TNFAIP8: variants seen among roughly 807,000 people sequenced by gnomAD.
TNFAIP8 encodes tumor necrosis factor alpha-induced protein 8.
In TNFAIP8, 7 loss-of-function variants were observed where a neutral mutation model predicts 13.3. The observed-to-expected ratio is 0.52, with a 90% CI of 0.30 to 0.99. The LOEUF is 0.99. TNFAIP8 is among the 50% of genes least tolerant of loss of function. The pLI is 0.07. For missense variants in TNFAIP8, 258 were observed against 236.9 expected (o/e 1.09, Z -0.58); for synonymous variants, 94 against 87.6 (o/e 1.07, Z -0.41).
At position 119,399,481 on chromosome 5, in the gene TNFAIP8, T is replaced by G. The variant is rs943214551; in HGVS notation, c.*6100T>G. ...CCTTTCACTATTTCCAAATCAGCGA[T>G]GAAAAGAAGACTGAGTCTAAAATAA... On this transcript the variant is annotated 3_prime_UTR_variant, in exon 2 of 2. Coordinates refer to ENST00000504771, the MANE Select transcript of TNFAIP8 (RefSeq NM_014350.4). 6.6e-6 allele frequency: 1 copy of G among 152,142 alleles called. No homozygotes were observed. Among genetic ancestry groups the G allele is most frequent in the Non-Finnish European group, 1.5e-5 (1 of 68,016 alleles). The allele number at this position is 152,142 out of a possible 1,614,324, so 9.4% of individuals were successfully genotyped here. A position where few individuals can be genotyped will look rare whatever the true frequency, so the allele number is the denominator to read the frequency against.
chr5:119,321,078 G>T lies in TNFAIP8; in HGVS notation c.1+52171G>T, dbSNP rs558487207. 2.6e-5 allele frequency among the ~76,000 whole-genome samples: 4 copies of T among 152,276 alleles called. No homozygotes were observed. The South Asian group carries it at 8.3e-4, about 32-fold the overall frequency. ...AAAAACACAAAAAAACTAGGCGGGC[G>T]TGGTGGCCGGTGCCTGTAGTCCCAG... On this transcript the variant is annotated intron_variant, in intron 1 of 1. Transcript: ENST00000274456.
At chr5:119,269,818 G>A (rs962524206) in intron 1 of TNFAIP8, among the ~76,000 whole-genome samples, 4 of 152,154 alleles carry the variant, frequency 2.6e-5, no homozygotes, top group African/African-American at 9.7e-5. Flanking sequence ...GTGGGGGTCA[G>A]TACTCCCTCA....
intron 1 of TNFAIP8, among the ~76,000 whole-genome samples, chr5:119,296,334 A>AAG (rs1749174083): frequency 6.6e-6 from 1 of 151,962 alleles, no homozygotes; most frequent in African/African-American, 2.4e-5. Flanking sequence ...TTTTAGCATG[A>AAG]AGCATTGTTG....
intron 1 of TNFAIP8, among the ~76,000 whole-genome samples, chr5:119,314,621 G>A (rs34500219): frequency 0.024 from 3,715 of 152,278 alleles, 58 homozygotes; most frequent in Non-Finnish European, 0.039. Context: ...TCACTGATTG[G>A]GATTTGTTTT....
intron 1 of TNFAIP8, among the ~76,000 whole-genome samples, chr5:119,362,179 GTAT>G (rs1751660294): frequency 6.6e-6 from 1 of 152,188 alleles, no homozygotes; most frequent in Admixed American, 6.5e-5. Context: ...GGGGTAACTT[GTAT>G]TCCAGCTAGT....
chr5:119,392,068 A>G (rs1752913886), intron 1 of TNFAIP8, among the ~76,000 whole-genome samples: 1 of 152,206 alleles, frequency 6.6e-6, no homozygotes, highest in Non-Finnish European at 1.5e-5. Context: ...AATGTGTAAA[A>G]ATGTAAAGTG....
intron 1 of TNFAIP8, among the ~76,000 whole-genome samples, chr5:119,390,047 G>A (rs1325475350): frequency 6.6e-6 from 1 of 152,162 alleles, no homozygotes; most frequent in East Asian, 1.9e-4. Flanking sequence ...GAGAAGAGGT[G>A]TAAACATGAA....
intron 1 of TNFAIP8, among the ~76,000 whole-genome samples, chr5:119,299,842 G>A (rs1749304241): frequency 1.3e-5 from 2 of 152,192 alleles, no homozygotes; most frequent in Non-Finnish European, 2.9e-5. Context: ...CCTCGCTGCT[G>A]CCTTGCAGTT....
At chr5:119,286,005 G>T (rs1194445305) in intron 1 of TNFAIP8, among the ~76,000 whole-genome samples, 1 of 152,084 alleles carries the variant, frequency 6.6e-6, no homozygotes, top group East Asian at 1.9e-4. Context: ...GTTAGTAGTA[G>T]AACTATGAGT....
At chr5:119,351,646 C>G (rs1430039657), upstream of TNFAIP8, among the ~76,000 whole-genome samples, 1 of 152,188 alleles carries the variant, frequency 6.6e-6, no homozygotes, top group Non-Finnish European at 1.5e-5. Context: ...CATCTGTACT[C>G]AGCACTTAAG....
chr5:119,391,023 G>A (rs1752872612), intron 1 of TNFAIP8, among the ~76,000 whole-genome samples: 1 of 150,634 alleles, frequency 6.6e-6, no homozygotes, highest in East Asian at 1.9e-4. Context: ...TTGCAATGGG[G>A]TTTTGCTATG....
At chr5:119,339,223 T>G (rs1482083504) in intron 1 of TNFAIP8, among the ~76,000 whole-genome samples, 1 of 152,094 alleles carries the variant, frequency 6.6e-6, no homozygotes, top group East Asian at 1.9e-4. Flanking sequence ...GCAAGTGACT[T>G]TTTCCAGAAG....
rs549344974 is a variant in TNFAIP8, at chr5:119,398,443, G to A, written c.*5062G>A. The A allele has an allele frequency of 9.8e-5, 15 of 152,378 alleles. No individual in the cohort carries two copies. The highest frequency in any genetic ancestry group is 1.8e-4 in the Non-Finnish European group (12 of 68,070). The allele number at this position is 152,378 out of a possible 1,614,324, so 9.4% of individuals were successfully genotyped here. ...TGCCTGTAATCCCAACACTTCGGGA[G>A]ACTGAGGTGGGCGGATCACCTGAGG... On this transcript the variant is annotated 3_prime_UTR_variant, in exon 2 of 2. Transcript: ENST00000504771.
chr5:119,317,281 G>A (rs914450305), intron 1 of TNFAIP8, among the ~76,000 whole-genome samples: 5 of 152,006 alleles, frequency 3.3e-5, no homozygotes, highest in African/African-American at 1.2e-4. Flanking sequence ...TAAACCAATA[G>A]AAATTAGCCA....
chr5:119,282,016 A>G lies in TNFAIP8; in HGVS notation c.1+13109A>G, dbSNP rs1053632099. ...TATTGTTGTCCGAAAGAGTCTAATGATGATGATCTCAATGTTTTCCTGCTA... is the reference window on the plus strand; with the variant it reads ...TATTGTTGTCCGAAAGAGTCTAATGGTGATGATCTCAATGTTTTCCTGCTA... On this transcript the variant is annotated intron_variant, in intron 1 of 1. Coordinates refer to the TNFAIP8 transcript ENST00000274456. 2.6e-5 allele frequency among the ~76,000 whole-genome samples: 4 copies of G among 152,360 alleles called. No individual in the cohort carries two copies. The East Asian group carries it at 7.7e-4, about 29-fold the overall frequency.
chr5:119,350,754 T>G (rs1186914197), intron 1 of TNFAIP8, among the ~76,000 whole-genome samples: 1 of 152,174 alleles, frequency 6.6e-6, no homozygotes, highest in African/African-American at 2.4e-5. Context: ...GAGAAGTCAC[T>G]GGGCAGACTG....
intron 1 of TNFAIP8, among the ~76,000 whole-genome samples, chr5:119,301,341 A>T (rs904413758): frequency 6.6e-6 from 1 of 152,078 alleles, no homozygotes; most frequent in East Asian, 1.9e-4. Context: ...GCTTGTTCCC[A>T]GTGACTATAA....
At chr5:119,340,852 C>T (rs1398103084) in intron 1 of TNFAIP8, among the ~76,000 whole-genome samples, 1 of 152,122 alleles carries the variant, frequency 6.6e-6, no homozygotes, top group African/African-American at 2.4e-5. Flanking sequence ...ACAGATAGTG[C>T]ATTTATGGCC....
intron 1 of TNFAIP8, among the ~76,000 whole-genome samples, chr5:119,372,728 G>A (rs1229156766): frequency 6.6e-6 from 1 of 152,186 alleles, no homozygotes; most frequent in African/African-American, 2.4e-5. Flanking sequence ...GGGAAGCCGA[G>A]GCAGGAGGAT....
Sources: allele counts gnomAD v4.1 joint callset (sites outside exome capture counted in the v4.1 genomes callset), GRCh38; gene constraint gnomAD v4.1.1; transcripts MANE v1.5; gene names NCBI Gene and HGNC (gene_info 2026-07-23, HGNC 2026-07-21).